DNAJC12: variants seen among roughly 807,000 people sequenced by gnomAD.
DNAJC12 encodes dnaJ homolog subfamily C member 12.
A neutral mutation model predicts 28.5 loss-of-function variants in DNAJC12; 25 were observed. The observed-to-expected ratio is 0.88, with a 90% CI of 0.64 to 1.22. DNAJC12 has a LOEUF of 1.22. Ranked by LOEUF, DNAJC12 falls within the 50% of genes most tolerant of loss-of-function variation. DNAJC12 has a pLI of 0.00. For missense variants in DNAJC12, 222 were observed against 231.7 expected, an observed-to-expected ratio of 0.96 and a Z score of 0.27; for synonymous variants, 77 against 80.6, an observed-to-expected ratio of 0.95 and a Z score of 0.24.
intron 1 of DNAJC12, chr10:67,833,706 T>A (rs376919558): frequency 1.9e-5 from 7 of 371,492 alleles, no homozygotes; most frequent in African/African-American, 1.3e-4. Context: ...TGGGCCATGA[T>A]CTCTGGGCTG....
intron 2 of DNAJC12, among the ~76,000 whole-genome samples, chr10:67,815,504 G>C (rs572911410): frequency 1.3e-5 from 1 of 77,750 alleles, no homozygotes; most frequent in Non-Finnish European, 2.1e-5. Context: ...ACAATACTTC[G>C]TCTCAAAAAA....
intron 1 of DNAJC12, among the ~76,000 whole-genome samples, chr10:67,826,913 G>GATATATAATATATATATCATGAT (rs1842041778): frequency 8.2e-6 from 1 of 122,314 alleles, no homozygotes; most frequent in African/African-American, 3.0e-5. Context: ...CATTATATAT[G>GATATATAATATATATATCATGAT]ATATATAATA....
At chr10:67,799,711 C>T (rs376424008) in intron 4 of DNAJC12, among the ~76,000 whole-genome samples, 186 of 152,026 alleles carry the variant, frequency 1.2e-3, no homozygotes, top group African/African-American at 3.3e-3. Context: ...GGTGAAACCC[C>T]GTCTCTACTA....
intron 2 of DNAJC12, among the ~76,000 whole-genome samples, chr10:67,821,098 T>C (rs1330485981): frequency 6.6e-6 from 1 of 152,158 alleles, no homozygotes; most frequent in Non-Finnish European, 1.5e-5. Context: ...AAACATTTTC[T>C]AAATAAAGAA....
intron 1 of DNAJC12, among the ~76,000 whole-genome samples, chr10:67,837,346 T>G (rs1190886865): frequency 1.3e-5 from 2 of 152,164 alleles, no homozygotes; most frequent in Non-Finnish European, 2.9e-5. Context: ...TTGAGAACTT[T>G]AAAAATTTTG....
intron 1 of DNAJC12, among the ~76,000 whole-genome samples, chr10:67,824,824 C>T (rs550905351): frequency 2.0e-5 from 3 of 152,198 alleles, no homozygotes; most frequent in South Asian, 4.1e-4. Context: ...ACCTCCACCT[C>T]CTGGCTTCAA....
chr10:67,816,134 C>A, intron 2 of DNAJC12: 1 of 398,352 alleles, frequency 2.5e-6, no homozygotes, highest in Non-Finnish European at 4.4e-6. Context: ...CTGGGTCTAC[C>A]TTCAAAATAT....
In DNAJC12 at chr10:67,823,323, G is replaced by A. The variant is rs751813216; in HGVS notation, c.148C>T (p.Pro50Ser). The change falls in exon 2 of 5, where the codon CCC becomes TCC. Residue 50 changes from proline (P) to serine (S), a missense_variant. Physicochemically the swap from Pro to Ser is moderately conservative, Grantham distance 74. Coordinates refer to ENST00000225171, the MANE Select transcript of DNAJC12 (RefSeq NM_021800.3). Reference sequence around the variant, plus strand: ...TTTATTAAGTTCTTACCAGCTTTGGGGTTTTCAGGATGCTTGTCTGGGTGA... The same window carrying A: ...TTTATTAAGTTCTTACCAGCTTTGGAGTTTTCAGGATGCTTGTCTGGGTGA... Reference protein sequence around the residue: ...ECHPDKHPENPKAVETFQKLQ... With the variant: ...ECHPDKHPENSKAVETFQKLQ... The A allele has an allele frequency of 2.5e-6, 4 of 1,613,910 alleles. No homozygotes were observed. Among genetic ancestry groups the A allele is most frequent in the Non-Finnish European group, 3.4e-6 (4 of 1,179,906 alleles).
Position 67,811,513 on chromosome 10 carries a change from G to A in DNAJC12, c.297+11C>T, listed in dbSNP as rs774813049. The A allele has an allele frequency of 1.1e-5, 18 of 1,613,822 alleles. No individual in the cohort carries two copies. Among genetic ancestry groups the A allele is most frequent in the Admixed American group, 5.0e-5 (3 of 59,952 alleles). ...TTCACAAATTCACGTCGCACCCAGCGAGAAACCCACCGTCTTCACTGAGTC... is the reference window on the plus strand; with the variant it reads ...TTCACAAATTCACGTCGCACCCAGCAAGAAACCCACCGTCTTCACTGAGTC... On this transcript the variant is annotated intron_variant, in intron 3 of 4. Transcript: ENST00000225171.
chr10:67,823,624 C>G (rs1045508149), intron 1 of DNAJC12, among the ~76,000 whole-genome samples: 4 of 151,796 alleles, frequency 2.6e-5, no homozygotes, highest in African/African-American at 9.7e-5. Flanking sequence ...CCCCTTAAGC[C>G]CAGGAGTTCA....
chr10:67,810,334 C>T (rs2131796367), intron 3 of DNAJC12, among the ~76,000 whole-genome samples: 1 of 152,212 alleles, frequency 6.6e-6, no homozygotes, highest in South Asian at 2.1e-4. Context: ...ACCATATCAA[C>T]ACTTGTACCC....
At chr10:67,823,168 C>A (rs1325210315) in intron 2 of DNAJC12, 146 bp downstream of exon 2, 2 of 653,572 alleles carry the variant, frequency 3.1e-6, no homozygotes, top group East Asian at 2.7e-5. Flanking sequence ...CAGCCCTCTC[C>A]CTTTCTATCA....
At chr10:67,798,758 C>CTTTTTT (rs377308990) in intron 4 of DNAJC12, among the ~76,000 whole-genome samples, 2 of 132,032 alleles carry the variant, frequency 1.5e-5, no homozygotes, top group East Asian at 2.2e-4. Context: ...TGTGATTTTC[C>CTTTTTT]TTTTTTTTTT....
intron 4 of DNAJC12, among the ~76,000 whole-genome samples, chr10:67,803,312 G>A (rs573206470): frequency 3.9e-5 from 6 of 152,266 alleles, no homozygotes; most frequent in Admixed American, 2.6e-4. Context: ...GTAACACAGA[G>A]AAATGTGTAC....
At chr10:67,834,215 T>C in intron 1 of DNAJC12, 1 of 340,476 alleles carries the variant, frequency 2.9e-6, no homozygotes, top group Non-Finnish European at 5.8e-6. Context: ...TTTCATTAGG[T>C]ATGATGTTAA....
rs111959175 is a variant in DNAJC12 at position 67,835,747 on chromosome 10, C to CACACACAT, written c.78+2186_78+2187insATGTGTGT. 4.2e-3 allele frequency among the ~76,000 whole-genome samples: 616 copies of CACACACAT among 148,034 alleles called. 3 individuals carry two copies. Among genetic ancestry groups the CACACACAT allele is most frequent in the African/African-American group, 0.015 (579 of 39,514 alleles). ...ACACACACACACACACACACACACA[C>CACACACAT]ATATATATAAAGAAGTGACAATATT... On this transcript the variant is annotated intron_variant, in intron 1 of 4. Coordinates refer to ENST00000225171, the MANE Select transcript of DNAJC12 (RefSeq NM_021800.3).
Position 67,836,561 on chromosome 10 carries a change from T to C in DNAJC12, c.78+1373A>G, listed in dbSNP as rs1254073419. On this transcript the variant is annotated intron_variant, in intron 1 of 4. Transcript: ENST00000225171. ...TATAATTTCAACTGTGAATAACACA[T>C]GGTAAAAATGGTAATAAGCTTTCTC... is the stretch of plus-strand genomic sequence containing the variant. Among the ~76,000 whole-genome samples, 6 of 152,290 alleles carry C rather than the reference T, an allele frequency of 3.9e-5. No homozygotes were observed. The South Asian group carries it at 1.0e-3, about 26-fold the overall frequency.
chr10:67,801,833 A>ATTTTTT (rs1554883625), intron 4 of DNAJC12, among the ~76,000 whole-genome samples: 10 of 54,492 alleles, frequency 1.8e-4, no homozygotes, highest in South Asian at 1.3e-3. Context: ...CCTCCACTTC[A>ATTTTTT]TTCTTTTTTT....
At chr10:67,814,211 T>C (rs1412628907) in intron 2 of DNAJC12, among the ~76,000 whole-genome samples, 2 of 152,150 alleles carry the variant, frequency 1.3e-5, no homozygotes, top group Non-Finnish European at 2.9e-5. Flanking sequence ...CCCTTACATT[T>C]ACAGTCAATT....
Sources: allele counts gnomAD v4.1 joint callset (sites outside exome capture counted in the v4.1 genomes callset), GRCh38; gene constraint gnomAD v4.1.1; transcripts MANE v1.5; gene names NCBI Gene and HGNC (gene_info 2026-07-23, HGNC 2026-07-21).